DIS3L2: variants seen among roughly 807,000 people sequenced by gnomAD.
The protein encoded by DIS3L2 is DIS3 like 3'-5' exoribonuclease 2, also known as DIS3-like exonuclease 2.
Under a neutral mutation model 97.5 loss-of-function variants are expected in DIS3L2, and 34 were observed. The ratio of observed to expected loss-of-function variants is 0.35; its 90% CI spans 0.27 to 0.46. The LOEUF (loss-of-function observed/expected upper bound fraction) is 0.46, where lower values mean the gene tolerates loss of function less well. Among genes scored for constraint, DIS3L2 ranks in the 20% least tolerant of loss-of-function variants. DIS3L2 has a pLI of 1.00. For missense variants in DIS3L2, 1,038 were observed against 1,146.0 expected, an observed-to-expected ratio of 0.91 and a Z score of 1.36; for synonymous variants, 435 against 445.2, an observed-to-expected ratio of 0.98 and a Z score of 0.29.
chr2:231,999,731 C>T (rs150219304), intron 1 of DIS3L2, among the ~76,000 whole-genome samples: 18 of 152,210 alleles, frequency 1.2e-4, no homozygotes, highest in Non-Finnish European at 2.4e-4. Context: ...AAATACTGTA[C>T]CCCACAGTTA....
At chr2:232,282,524 A>G (rs1035533847) in intron 13 of DIS3L2, among the ~76,000 whole-genome samples, 6 of 152,222 alleles carry the variant, frequency 3.9e-5, no homozygotes, top group Non-Finnish European at 8.8e-5. Context: ...TCTTTCCACT[A>G]TATAATGGAG....
chr2:232,157,382 C>G (rs1460195367), intron 8 of DIS3L2, among the ~76,000 whole-genome samples: 2 of 152,172 alleles, frequency 1.3e-5, no homozygotes, highest in African/African-American at 2.4e-5. Context: ...GAGGATGGCA[C>G]TCCCCCCTCA....
intron 3 of DIS3L2, among the ~76,000 whole-genome samples, chr2:232,019,398 A>G (rs1489028345): frequency 6.6e-6 from 1 of 151,978 alleles, no homozygotes; most frequent in Non-Finnish European, 1.5e-5. Context: ...CAAAATAAAA[A>G]TCAGCCAGGC....
At chr2:232,051,363 G>C (rs1227542814) in intron 5 of DIS3L2, among the ~76,000 whole-genome samples, 2 of 152,146 alleles carry the variant, frequency 1.3e-5, no homozygotes, top group Non-Finnish European at 2.9e-5. Flanking sequence ...AGTAGGCAGG[G>C]AATAGATACT....
chr2:232,140,530 A>G (rs1294427929), intron 8 of DIS3L2, among the ~76,000 whole-genome samples: 2 of 152,194 alleles, frequency 1.3e-5, no homozygotes, highest in African/African-American at 2.4e-5. Flanking sequence ...TATGACTTCA[A>G]AGTCCATGCT....
intron 9 of DIS3L2, among the ~76,000 whole-genome samples, chr2:232,182,518 A>T (rs1295539052): frequency 6.6e-6 from 1 of 152,018 alleles, no homozygotes; most frequent in East Asian, 1.9e-4. Context: ...GATGTTGTGT[A>T]TTGATATATA....
intron 1 of DIS3L2, among the ~76,000 whole-genome samples, chr2:231,990,833 T>TGA (rs2106190756): frequency 6.6e-6 from 1 of 152,348 alleles, no homozygotes; most frequent in South Asian, 2.1e-4. Context: ...ACCGATGTCC[T>TGA]GTGTATTACC....
rs147324944 is a variant in DIS3L2 at position 232,300,234 on chromosome 2, T to C, written c.1739+115T>C. On this transcript the variant is annotated intron_variant, in intron 14 of 20. Coordinates refer to ENST00000325385, the MANE Select transcript of DIS3L2 (RefSeq NM_152383.5). ...TGGTTGTCAGGAAGGGAATACACCT[T>C]TTACTACTATACTAGAAAATAGCTG... 7.2e-3 allele frequency: 6,458 copies of C among 900,588 alleles called. 116 individuals carry two copies. The highest frequency in any genetic ancestry group is 0.055 in the Admixed American group (2,614 of 47,432). The allele number at this position is 900,588 out of a possible 1,614,324, so 55.8% of individuals were successfully genotyped here.
chr2:232,335,004 C>G (rs528948385), intron 19 of DIS3L2: 1 of 457,466 alleles, frequency 2.2e-6, no homozygotes, highest in East Asian at 4.0e-5. Context: ...GGTGTGCAGG[C>G]TTTGGGGACT....
chr2:232,211,488 T>G (rs1327855741), intron 10 of DIS3L2, among the ~76,000 whole-genome samples: 1 of 152,144 alleles, frequency 6.6e-6, no homozygotes, highest in East Asian at 1.9e-4. Flanking sequence ...CTGCTTCTAG[T>G]TTTTACCTAC....
At chr2:232,310,869 A>G (rs1001457108) in intron 14 of DIS3L2, among the ~76,000 whole-genome samples, 2 of 152,254 alleles carry the variant, frequency 1.3e-5, no homozygotes, top group Non-Finnish European at 2.9e-5. Flanking sequence ...TATTGCTTCC[A>G]TCTCCTCTGG....
intron 5 of DIS3L2, among the ~76,000 whole-genome samples, chr2:232,065,409 G>A (rs767748263): frequency 3.3e-5 from 5 of 151,768 alleles, no homozygotes; most frequent in Non-Finnish European, 7.4e-5. Flanking sequence ...TGAAGTGAGG[G>A]CTGAATTTCA....
At chr2:232,085,664 G>A (rs3100585) in intron 5 of DIS3L2, among the ~76,000 whole-genome samples, 100,831 of 151,964 alleles carry the variant, frequency 0.66, 33,990 homozygotes, top group Admixed American at 0.73. Flanking sequence ...ATGTGGATGG[G>A]CAGATTTACA....
intron 1 of DIS3L2, among the ~76,000 whole-genome samples, chr2:231,975,178 T>C (rs1407621450): frequency 6.6e-6 from 1 of 152,128 alleles, no homozygotes; most frequent in Non-Finnish European, 1.5e-5. Flanking sequence ...ACTATGCCCA[T>C]GCCAGAGTGC....
At chr2:232,030,180 CT>C in intron 5 of DIS3L2, 100 bp downstream of exon 5, 1 of 960,780 alleles carries the variant, frequency 1.0e-6, no homozygotes, top group Non-Finnish European at 1.6e-6. Flanking sequence ...TCACAGACCC[CT>C]TAGGCGCTGT....
intron 6 of DIS3L2, among the ~76,000 whole-genome samples, chr2:232,113,784 A>G (rs1697615858): frequency 2.0e-5 from 3 of 152,226 alleles, no homozygotes; most frequent in Admixed American, 2.0e-4. Flanking sequence ...AAAGATGATA[A>G]CAACCCTTTC....
chr2:232,014,560 C>T (rs565217219), intron 1 of DIS3L2, among the ~76,000 whole-genome samples: 3 of 152,216 alleles, frequency 2.0e-5, no homozygotes, highest in Non-Finnish European at 2.9e-5. Flanking sequence ...TGAATAGAAC[C>T]GCAGGATTCC....
At chr2:232,330,657 C>T in intron 15 of DIS3L2, 33 bp from the exon 16 acceptor site, 1 of 1,611,022 alleles carries the variant, frequency 6.2e-7, no homozygotes, top group Non-Finnish European at 8.5e-7. Flanking sequence ...AGCTGGACCA[C>T]ACGTCACATA....
chr2:232,013,127 A>G (rs978877866), intron 1 of DIS3L2, among the ~76,000 whole-genome samples: 1 of 152,184 alleles, frequency 6.6e-6, no homozygotes, highest in Admixed American at 6.5e-5. Context: ...TGTCCTGTGT[A>G]ATACCATGGT....
Sources: allele counts gnomAD v4.1 joint callset (sites outside exome capture counted in the v4.1 genomes callset), GRCh38; gene constraint gnomAD v4.1.1; transcripts MANE v1.5; gene names NCBI Gene and HGNC (gene_info 2026-07-23, HGNC 2026-07-21).